MACROD2: variants seen among roughly 807,000 people sequenced by gnomAD.
MACROD2 encodes ADP-ribose glycohydrolase MACROD2.
A neutral mutation model predicts 70.4 loss-of-function variants in MACROD2; 36 were observed. The observed-to-expected ratio is 0.51, with a 90% CI of 0.39 to 0.68. MACROD2 has a LOEUF of 0.68. Ranked by LOEUF, MACROD2 falls within the 30% of genes least tolerant of loss-of-function variation. The pLI, the probability that MACROD2 is intolerant of heterozygous loss-of-function variation, is 0.00. For missense variants in MACROD2, 496 were observed against 538.4 expected (o/e 0.92, Z 0.78); for synonymous variants, 172 against 178.8 (o/e 0.96, Z 0.30).
chr20:15,675,139 A>G (rs2050039009), intron 8 of MACROD2, among the ~76,000 whole-genome samples: 1 of 152,220 alleles, frequency 6.6e-6, no homozygotes, highest in Non-Finnish European at 1.5e-5. Context: ...TTATTTTTAC[A>G]TCCAAGCATT....
intron 5 of MACROD2, among the ~76,000 whole-genome samples, chr20:14,794,894 T>A (rs1452403861): frequency 6.6e-6 from 1 of 151,966 alleles, no homozygotes; most frequent in Non-Finnish European, 1.5e-5. Flanking sequence ...CTGAGTTATT[T>A]TGGGGAGTGT....
chr20:14,799,877 A>G (rs2072553824), intron 5 of MACROD2, among the ~76,000 whole-genome samples: 1 of 152,108 alleles, frequency 6.6e-6, no homozygotes, highest in African/African-American at 2.4e-5. Flanking sequence ...TTGTCTTCCT[A>G]TTATCTTGCA....
intron 2 of MACROD2, among the ~76,000 whole-genome samples, chr20:14,074,062 C>G (rs1029471457): frequency 6.6e-6 from 1 of 152,098 alleles, no homozygotes; most frequent in African/African-American, 2.4e-5. Flanking sequence ...CCCACCATCC[C>G]CCAGGCAACA....
intron 4 of MACROD2, among the ~76,000 whole-genome samples, chr20:14,561,140 C>T (rs1049035902): frequency 4.6e-5 from 7 of 151,672 alleles, no homozygotes; most frequent in Admixed American, 2.0e-4. Context: ...ATGGAGAATT[C>T]GTAATACTGC....
At chr20:15,386,696 C>T (rs1354530766) in intron 6 of MACROD2, among the ~76,000 whole-genome samples, 1 of 152,130 alleles carries the variant, frequency 6.6e-6, no homozygotes. Flanking sequence ...ATGTTAGTAA[C>T]AGAATATGTT....
chr20:15,053,100 GTCGGTTCCTGAGA>G (rs2075455561), intron 5 of MACROD2, among the ~76,000 whole-genome samples: 2 of 152,164 alleles, frequency 1.3e-5, no homozygotes, highest in Admixed American at 6.5e-5. Flanking sequence ...GCTAGCAGAG[GTCGGTTCCTGAGA>G]TTTAATGAAA....
At chr20:14,578,190 GGCA>G (rs1980741465) in intron 4 of MACROD2, among the ~76,000 whole-genome samples, 2 of 151,004 alleles carry the variant, frequency 1.3e-5, no homozygotes, top group Admixed American at 1.3e-4. Flanking sequence ...ATATATCAAT[GGCA>G]GGTTTTCTTT....
chr20:15,520,792 G>A (rs966240749), intron 8 of MACROD2, among the ~76,000 whole-genome samples: 1 of 152,218 alleles, frequency 6.6e-6, no homozygotes, highest in Non-Finnish European at 1.5e-5. Context: ...CTCTGATCAA[G>A]TTCCTTCACT....
At chr20:14,071,565 A>ATT (rs2053843340) in intron 2 of MACROD2, among the ~76,000 whole-genome samples, 1 of 151,788 alleles carries the variant, frequency 6.6e-6, no homozygotes, top group Non-Finnish European at 1.5e-5. Context: ...GGGCCCGACC[A>ATT]TTTCATCTTG....
intron 3 of MACROD2, among the ~76,000 whole-genome samples, chr20:14,402,337 T>C (rs1416328978): frequency 2.0e-5 from 3 of 152,162 alleles, no homozygotes; most frequent in African/African-American, 7.2e-5. Context: ...CCCAAGAGAA[T>C]TGTATTTATC....
At chr20:15,859,046 GTATGT>G (rs1320827109) in intron 8 of MACROD2, among the ~76,000 whole-genome samples, 15 of 152,124 alleles carry the variant, frequency 9.9e-5, no homozygotes, top group Non-Finnish European at 1.9e-4. Context: ...CACATATTTT[GTATGT>G]TATATGTATT....
At chr20:15,389,477 C>A (rs1425582056) in intron 6 of MACROD2, among the ~76,000 whole-genome samples, 1 of 152,170 alleles carries the variant, frequency 6.6e-6, no homozygotes, top group Non-Finnish European at 1.5e-5. Context: ...ACCGTTGAAG[C>A]CTGATGCCAG....
chr20:15,015,375 C>T (rs1348761837), intron 5 of MACROD2, among the ~76,000 whole-genome samples: 2 of 151,890 alleles, frequency 1.3e-5, no homozygotes, highest in Non-Finnish European at 2.9e-5. Context: ...CTTTATACAT[C>T]TAAAGTTATT....
chr20:14,420,785 A>G (rs2083867860), intron 3 of MACROD2, among the ~76,000 whole-genome samples: 1 of 152,104 alleles, frequency 6.6e-6, no homozygotes. Flanking sequence ...CTCAACTCCT[A>G]GGCTCAAGCA....
chr20:14,613,447 G>A (rs6135207), intron 4 of MACROD2, among the ~76,000 whole-genome samples: 16,991 of 152,088 alleles, frequency 0.11, 1,368 homozygotes, highest in South Asian at 0.33. Context: ...GAATGATTGA[G>A]AGGGAGACAA....
intron 5 of MACROD2, among the ~76,000 whole-genome samples, chr20:14,869,255 A>C (rs453688): frequency 0.25 from 38,014 of 152,176 alleles, 5,493 homozygotes; most frequent in Non-Finnish European, 0.33. Context: ...TGGCAGTAAC[A>C]AAAGATTGGT....
chr20:14,424,984 T>G (rs1258261555), intron 3 of MACROD2, among the ~76,000 whole-genome samples: 2 of 152,244 alleles, frequency 1.3e-5, no homozygotes, highest in African/African-American at 4.8e-5. Context: ...AGTCTAGACA[T>G]TTAATTCACC....
At chr20:15,115,161 A>G (rs1407476762) in intron 5 of MACROD2, among the ~76,000 whole-genome samples, 2 of 152,166 alleles carry the variant, frequency 1.3e-5, no homozygotes, top group Non-Finnish European at 2.9e-5. Flanking sequence ...TCCTATTGAT[A>G]CATAGAGCCC....
chr20:15,856,481 T>TA (rs1449720245), intron 8 of MACROD2, among the ~76,000 whole-genome samples: 1 of 152,200 alleles, frequency 6.6e-6, no homozygotes, highest in Non-Finnish European at 1.5e-5. Context: ...CTGGCAAACT[T>TA]AAAGGAAAGT....
Sources: allele counts gnomAD v4.1 joint callset (sites outside exome capture counted in the v4.1 genomes callset), GRCh38; gene constraint gnomAD v4.1.1; transcripts MANE v1.5; gene names NCBI Gene and HGNC (gene_info 2026-07-23, HGNC 2026-07-21).